The following PCDH19 variants were observed in gnomAD, a reference collection of about 807,000 sequenced individuals.
The protein encoded by PCDH19 is protocadherin-19.
Under a neutral mutation model 46.2 loss-of-function variants are expected in PCDH19, and 6 were observed. The observed-to-expected ratio is 0.13, with a 90% CI of 0.07 to 0.26. The LOEUF (loss-of-function observed/expected upper bound fraction) is 0.26, where lower values mean the gene tolerates loss of function less well. Among genes scored for constraint, PCDH19 ranks in the 10% least tolerant of loss-of-function variants. The pLI is 1.00. For synonymous variants in PCDH19, 481 were observed against 415.7 expected (o/e 1.16, Z -1.91); for missense variants, 740 against 972.3 (o/e 0.76, Z 3.18).
intron 5 of PCDH19, among the ~76,000 whole-genome samples, chrX:100,310,968 G>A (rs895214654): frequency 9.2e-6 from 1 of 108,154 alleles, no homozygotes; most frequent in African/African-American, 3.4e-5. Flanking sequence ...CTCCTGGCTC[G>A]GTCTTCCAAG....
chrX:100,356,326 T>C (rs1015075569), intron 3 of PCDH19, among the ~76,000 whole-genome samples: 2 of 111,750 alleles, frequency 1.8e-5, no homozygotes, highest in Non-Finnish European at 3.8e-5. Flanking sequence ...CGCTGCTTCT[T>C]TTTTTAACTG....
rs755649019 is a variant in PCDH19, at chrX:100,403,493, C to T, written c.2288+31G>A. On this transcript the variant is annotated intron_variant, in intron 2 of 5. Transcript: ENST00000373034. The stretch of plus-strand genomic sequence containing the variant: ...CTCCTAGAAAAATCTAATAGCCAAA[C>T]CCATTTAAATGAGGGGAAATGCCTT... The T allele has an allele frequency of 5.9e-6, 7 of 1,180,327 alleles. No individual in the cohort carries two copies. The South Asian group carries it at 9.0e-5, about 15-fold the overall frequency.
intron 3 of PCDH19, among the ~76,000 whole-genome samples, chrX:100,379,158 T>G (rs1284361833): frequency 1.8e-5 from 2 of 111,007 alleles, no homozygotes; most frequent in East Asian, 5.7e-4. Context: ...TTAGGACATG[T>G]CAGGAAGCAG....
chrX:100,306,625 A>G (rs1924953235), intron 5 of PCDH19, among the ~76,000 whole-genome samples: 1 of 111,193 alleles, frequency 9.0e-6, no homozygotes, highest in Admixed American at 9.6e-5. Context: ...TGAAACAAAA[A>G]CCTGGTTCTT....
chrX:100,315,738 C>T (rs751651394), intron 5 of PCDH19, among the ~76,000 whole-genome samples: 1 of 112,567 alleles, frequency 8.9e-6, no homozygotes, highest in African/African-American at 3.2e-5. Context: ...TGCAGTAATT[C>T]CTGTGCTATT....
intron 3 of PCDH19, among the ~76,000 whole-genome samples, chrX:100,402,071 A>G (rs1358487299): frequency 8.9e-6 from 1 of 112,234 alleles, no homozygotes; most frequent in South Asian, 3.7e-4. Flanking sequence ...TGATGTGACG[A>G]AAGAAAAAGC....
chrX:100,323,426 G>T (rs1214490598), intron 5 of PCDH19, among the ~76,000 whole-genome samples: 2 of 111,828 alleles, frequency 1.8e-5, no homozygotes. Flanking sequence ...ATGGAAAGCA[G>T]AACAATGCCC....
chrX:100,309,098 T>C (rs1287876336), intron 5 of PCDH19, among the ~76,000 whole-genome samples: 1 of 108,769 alleles, frequency 9.2e-6, no homozygotes, highest in African/African-American at 3.4e-5. Flanking sequence ...TGCAAAAATA[T>C]GGAACCAGCC....
At chrX:100,356,836 G>T (rs940615915) in intron 3 of PCDH19, among the ~76,000 whole-genome samples, 4 of 110,108 alleles carry the variant, frequency 3.6e-5, no homozygotes, top group Non-Finnish European at 7.6e-5. Flanking sequence ...AAAGCAATGT[G>T]GTATAGTGGG....
At chrX:100,324,733 C>T (rs1386996091) in intron 5 of PCDH19, among the ~76,000 whole-genome samples, 2 of 111,425 alleles carry the variant, frequency 1.8e-5, no homozygotes, top group Non-Finnish European at 3.8e-5. Context: ...GAGAAAGAGA[C>T]GTAGATAAGT....
rs770137596 is a variant in PCDH19 at position 100,296,383 on chromosome X, C to T, written c.3341G>A (p.Arg1114His). ...CATGACTTTCTCGCTATCAGCTCCA[C>T]GGGGCTCAGCTTCAGAGGGACGAGT... is the stretch of plus-strand genomic sequence containing the variant. ...GPTRPSEAEPRGADSEKVMHE... is the reference protein window; with the variant it reads ...GPTRPSEAEPHGADSEKVMHE... The change falls in exon 6 of 6, where the codon CGT (arginine) becomes CAT (histidine). Residue 1114 changes from arginine (R) to histidine (H), a missense_variant. Arg to His is a conservative substitution (Grantham distance 29). Around this residue, in one of 5 missense-constraint regions of PCDH19, gnomAD observed 416 missense variants for 476.8 expected, o/e 0.87. Coordinates refer to ENST00000373034, the MANE Select transcript of PCDH19 (RefSeq NM_001184880.2). The T allele has an allele frequency of 2.6e-5, 31 of 1,209,304 alleles. 1 individual carries two copies. In the South Asian group the frequency reaches 2.8e-4, roughly 11 times the overall value.
In PCDH19 at chrX:100,291,819, TAGAC is replaced by T. The variant is rs955411801; in HGVS notation, c.*4454_*4457del. 13 of 113,260 alleles carry T rather than the reference TAGAC, an allele frequency of 1.1e-4. No homozygotes were observed. Among genetic ancestry groups the T allele is most frequent in the African/African-American group, 4.2e-4 (13 of 31,093 alleles). 9.3% of individuals were successfully genotyped at this position (113,260 alleles called of 1,213,427 possible). A position where few individuals can be genotyped will look rare whatever the true frequency, so the allele number is the denominator to read the frequency against. On this transcript the variant is annotated 3_prime_UTR_variant, in exon 6 of 6. Coordinates refer to ENST00000373034, the MANE Select transcript of PCDH19 (RefSeq NM_001184880.2). The stretch of plus-strand genomic sequence containing the variant: ...AAGCTGCTTTATCATCTTCATAAAA[TAGAC>T]AGTGGTGATTCTTTTTTGTCTTTTT...
At chrX:100,321,569 T>C (rs1438116424) in intron 5 of PCDH19, among the ~76,000 whole-genome samples, 1 of 111,246 alleles carries the variant, frequency 9.0e-6, no homozygotes, top group African/African-American at 3.3e-5. Flanking sequence ...GTATATCTTC[T>C]TTTGAGAATT....
chrX:100,327,486 A>C (rs1475827208), intron 5 of PCDH19, among the ~76,000 whole-genome samples: 1 of 112,134 alleles, frequency 8.9e-6, no homozygotes, highest in Non-Finnish European at 1.9e-5. Context: ...GAGTGGAAAT[A>C]GTTGTACTGA....
At chrX:100,346,979 T>C (rs1385449910) in intron 4 of PCDH19, among the ~76,000 whole-genome samples, 1 of 110,862 alleles carries the variant, frequency 9.0e-6, no homozygotes, top group East Asian at 2.8e-4. Context: ...AGGAAGTCCA[T>C]TCAGAAGAAA....
chrX:100,340,259 C>G (rs1345586106), intron 5 of PCDH19, among the ~76,000 whole-genome samples: 1 of 112,187 alleles, frequency 8.9e-6, no homozygotes, highest in Non-Finnish European at 1.9e-5. Flanking sequence ...GAAACACTCT[C>G]TCAGAAAAAA....
chrX:100,310,633 T>A (rs774038620), intron 5 of PCDH19, among the ~76,000 whole-genome samples: 1 of 110,008 alleles, frequency 9.1e-6, no homozygotes, highest in African/African-American at 3.3e-5. Context: ...CTGAAAAACA[T>A]AGGACCGTTT....
In PCDH19 at chrX:100,385,260, T is replaced by C. The variant is rs190631885; in HGVS notation, c.2616+17264A>G. Among the ~76,000 whole-genome samples, 24 of 111,022 alleles carry C rather than the reference T, an allele frequency of 2.2e-4. No individual in the cohort carries two copies. The East Asian group carries it at 6.2e-3, about 29-fold the overall frequency. On this transcript the variant is annotated intron_variant, in intron 3 of 5. Transcript: ENST00000373034. The stretch of plus-strand genomic sequence containing the variant: ...TTGGTGGTGGTGACGTTTAAAACTA[T>C]AATAATGTTTTGCCAGTACAGTGAA...
At chrX:100,350,080 G>C (rs1808268433) in intron 4 of PCDH19, among the ~76,000 whole-genome samples, 2 of 112,402 alleles carry the variant, frequency 1.8e-5, no homozygotes, top group South Asian at 7.4e-4. Context: ...AGAAAGGAAA[G>C]GATTGGCTTC....
Sources: allele counts gnomAD v4.1 joint callset (sites outside exome capture counted in the v4.1 genomes callset), GRCh38; gene constraint gnomAD v4.1.1; regional missense constraint gnomAD v4.1.1; transcripts MANE v1.5; gene names NCBI Gene and HGNC (gene_info 2026-07-23, HGNC 2026-07-21).